Variants in NARS2 observed in about 807,000 individuals in gnomAD.
NARS2 encodes the protein asparaginyl-tRNA synthetase 2, mitochondrial.
Under a neutral mutation model 62.9 loss-of-function variants are expected in NARS2, and 60 were observed. That is an observed-to-expected ratio of 0.95 (90% CI 0.77 to 1.18). The LOEUF is 1.18. Among genes scored for constraint, NARS2 ranks in the 50% most tolerant of loss-of-function variants. The pLI is 0.00. For missense variants in NARS2, 619 were observed against 576.4 expected (o/e 1.07, Z -0.76); for synonymous variants, 196 against 200.0 (o/e 0.98, Z 0.17).
chr11:78,521,455 A>C (rs1861118539), intron 6 of NARS2, among the ~76,000 whole-genome samples: 1 of 152,116 alleles, frequency 6.6e-6, no homozygotes, highest in Admixed American at 6.5e-5. Context: ...TTGCAGGCTT[A>C]AGCCACTGCG....
intron 9 of NARS2, among the ~76,000 whole-genome samples, chr11:78,469,608 C>T (rs960085903): frequency 1.3e-5 from 2 of 152,178 alleles, no homozygotes; most frequent in Admixed American, 6.5e-5. Context: ...ACTACAACAG[C>T]AAAATACTTT....
intron 7 of NARS2, among the ~76,000 whole-genome samples, chr11:78,490,308 C>T (rs181424336): frequency 4.6e-5 from 7 of 152,236 alleles, no homozygotes; most frequent in Non-Finnish European, 1.0e-4. Context: ...TGGAGTAGTC[C>T]AACCCTTTTT....
chr11:78,494,767 A>C (rs1374733345), intron 6 of NARS2, among the ~76,000 whole-genome samples: 1 of 152,158 alleles, frequency 6.6e-6, no homozygotes, highest in East Asian at 1.9e-4. Context: ...AAAAAGACTA[A>C]ACCTACCTTA....
chr11:78,507,591 C>T (rs1181066790), intron 6 of NARS2, among the ~76,000 whole-genome samples: 13 of 150,786 alleles, frequency 8.6e-5, no homozygotes, highest in African/African-American at 2.9e-4. Context: ...GCAATCTCTG[C>T]TCACTGCAAA....
chr11:78,494,471 T>TTC (rs1555023012), intron 6 of NARS2, among the ~76,000 whole-genome samples: 2 of 146,420 alleles, frequency 1.4e-5, no homozygotes, highest in Non-Finnish European at 3.0e-5. Flanking sequence ...TTCTTTTTCT[T>TTC]TTTTTTTTTT....
intron 6 of NARS2, among the ~76,000 whole-genome samples, chr11:78,507,522 CTT>C (rs71046973): frequency 5.7e-5 from 8 of 140,564 alleles, no homozygotes; most frequent in Admixed American, 2.1e-4. Context: ...TTCTTTTATT[CTT>C]TTTTTTTTTT....
intron 6 of NARS2, among the ~76,000 whole-genome samples, chr11:78,525,116 TCAATGGTTAC>T (rs1861250785): frequency 6.6e-6 from 1 of 152,056 alleles, no homozygotes. Context: ...GGTAAAACGA[TCAATGGTTAC>T]CAGTGGTTAG....
chr11:78,539,523 G>A (rs748756370), intron 5 of NARS2, among the ~76,000 whole-genome samples: 57 of 152,152 alleles, frequency 3.7e-4, no homozygotes, highest in Non-Finnish European at 6.5e-4. Context: ...AGACATCAAA[G>A]GAGAAATGTC....
intron 7 of NARS2, among the ~76,000 whole-genome samples, chr11:78,488,760 G>A (rs545976430): frequency 4.3e-4 from 65 of 152,198 alleles, no homozygotes; most frequent in South Asian, 3.5e-3. Flanking sequence ...AGTAGAATAC[G>A]GAACAGAATA....
In NARS2 at chr11:78,509,826, CAAAAAAAAA is replaced by C; in HGVS notation, c.690-16640_690-16632del. 1.7e-5 allele frequency among the ~76,000 whole-genome samples: 2 copies of C among 116,738 alleles called. 1 individual carries two copies. The highest frequency in any genetic ancestry group is 5.0e-4 in the East Asian group (2 of 3,974). 76.6% of individuals were successfully genotyped at this position (116,738 alleles called of 152,430 possible). On this transcript the variant is annotated intron_variant, in intron 6 of 13. Coordinates refer to ENST00000281038, the MANE Select transcript of NARS2 (RefSeq NM_024678.6). The stretch of plus-strand genomic sequence containing the variant: ...TGGGTGATGGAGTGAGACTCTGTCT[CAAAAAAAAA>C]AAAAAAAGAAAAGAAAAGAAAAGAA...
intron 6 of NARS2, among the ~76,000 whole-genome samples, chr11:78,507,825 T>C (rs1860562713): frequency 6.6e-6 from 1 of 151,894 alleles, no homozygotes; most frequent in Non-Finnish European, 1.5e-5. Flanking sequence ...CAGCCCAGTT[T>C]TCATTTTTAA....
chr11:78,480,638 G>T (rs1859311749), intron 7 of NARS2, among the ~76,000 whole-genome samples: 1 of 145,098 alleles, frequency 6.9e-6, no homozygotes, highest in African/African-American at 2.7e-5. Context: ...AAAAAAATTG[G>T]TGAGCATGTG....
intron 6 of NARS2, among the ~76,000 whole-genome samples, chr11:78,505,873 A>G (rs1319592745): frequency 1.3e-5 from 2 of 152,160 alleles, no homozygotes; most frequent in African/African-American, 4.8e-5. Context: ...CACTAACAGA[A>G]TAAGAAGCTT....
intron 7 of NARS2, among the ~76,000 whole-genome samples, chr11:78,478,911 G>C (rs900889884): frequency 6.6e-6 from 1 of 152,152 alleles, no homozygotes; most frequent in Admixed American, 6.5e-5. Context: ...TATGTTGACA[G>C]TTTCAATGCT....
At chr11:78,447,225 G>T (rs1318332355) in intron 11 of NARS2, among the ~76,000 whole-genome samples, 1 of 150,510 alleles carries the variant, frequency 6.6e-6, no homozygotes, top group African/African-American at 2.4e-5. Flanking sequence ...TTGCTGTGTT[G>T]CTCAGGCTGG....
intron 13 of NARS2, among the ~76,000 whole-genome samples, chr11:78,438,592 T>C (rs528144615): frequency 2.6e-5 from 4 of 152,384 alleles, no homozygotes; most frequent in African/African-American, 9.6e-5. Flanking sequence ...AGCATTTTTC[T>C]TGCCTTTGCT....
intron 10 of NARS2, among the ~76,000 whole-genome samples, chr11:78,468,323 A>AG (rs897707818): frequency 2.7e-5 from 4 of 149,244 alleles, no homozygotes; most frequent in Admixed American, 6.6e-5. Context: ...AAAAAAAAAA[A>AG]AAAAAGAAAA....
chr11:78,436,635 C>G lies in NARS2; in HGVS notation c.*35G>C, dbSNP rs770577743. 20 of 1,611,562 alleles carry G rather than the reference C, an allele frequency of 1.2e-5. No homozygotes were observed. The highest frequency in any genetic ancestry group is 6.8e-6 in the Non-Finnish European group (8 of 1,178,372). ...TGCACAATCATGTGCAGTGTCTCTG[C>G]CATGGGGGGTGCTTTTCCTTAACCA... On this transcript the variant is annotated 3_prime_UTR_variant, in exon 14 of 14. Transcript: ENST00000281038.
chr11:78,503,475 T>A (rs1012526740), intron 6 of NARS2, among the ~76,000 whole-genome samples: 3 of 152,078 alleles, frequency 2.0e-5, no homozygotes, highest in African/African-American at 7.2e-5. Context: ...TGACCTCAGG[T>A]GATCCACCCG....
Sources: allele counts gnomAD v4.1 joint callset (sites outside exome capture counted in the v4.1 genomes callset), GRCh38; gene constraint gnomAD v4.1.1; transcripts MANE v1.5; gene names NCBI Gene and HGNC (gene_info 2026-07-23, HGNC 2026-07-21).